Variants in VAV2 observed in about 807,000 individuals in gnomAD.
VAV2 encodes vav guanine nucleotide exchange factor 2, also known as guanine nucleotide exchange factor VAV2.
In VAV2, 67 loss-of-function variants were observed where a neutral mutation model predicts 132.5. The observed-to-expected ratio is 0.51, with a 90% CI of 0.42 to 0.62. The LOEUF (loss-of-function observed/expected upper bound fraction) is 0.62. VAV2 is among the 20% of genes least tolerant of loss of function. VAV2 has a pLI of 0.00. For missense variants in VAV2, 938 were observed against 1,153.6 expected, an observed-to-expected ratio of 0.81 and a Z score of 2.71; for synonymous variants, 492 against 443.5, an observed-to-expected ratio of 1.11 and a Z score of -1.37.
intron 1 of VAV2, among the ~76,000 whole-genome samples, chr9:133,946,457 T>C (rs1468009898): frequency 6.6e-6 from 1 of 152,250 alleles, no homozygotes; most frequent in Non-Finnish European, 1.5e-5. Flanking sequence ...TGGGTCTTTC[T>C]GAGCAAGCTG....
Position 133,919,689 on chromosome 9 carries a change from T to C in VAV2, c.321+19414A>G, listed in dbSNP as rs1840224069. Reference sequence around the variant, plus strand: ...TTCAGTCTCAGATCAGAGAGGAATGTAAGCCGGAAACAGCGCAGAGAGTGG... The same window carrying C: ...TTCAGTCTCAGATCAGAGAGGAATGCAAGCCGGAAACAGCGCAGAGAGTGG... On this transcript the variant is annotated intron_variant, in intron 2 of 29. Coordinates refer to ENST00000371850, the MANE Select transcript of VAV2 (RefSeq NM_001134398.2). This position sits in a 1 kb window ranked among gnomAD's most constrained non-coding sequence, Gnocchi z 5.8. Among the ~76,000 whole-genome samples, 1 of 152,176 alleles carries C rather than the reference T, an allele frequency of 6.6e-6. No individual in the cohort carries two copies. The highest frequency in any genetic ancestry group is 2.4e-5 in the African/African-American group (1 of 41,438).
At chr9:133,795,594 G>A in intron 12 of VAV2, 74 bp downstream of exon 12, 2 of 1,559,912 alleles carry the variant, frequency 1.3e-6, no homozygotes, top group South Asian at 2.2e-5. Flanking sequence ...GCTCGTTAAT[G>A]AGCCCAATTC....
rs371559778 is a variant in VAV2, at chr9:133,919,325, T to C, written c.321+19778A>G. Among the ~76,000 whole-genome samples the C allele has an allele frequency of 3.9e-5, 6 of 152,216 alleles. No homozygotes were observed. In the East Asian group the frequency reaches 9.7e-4, roughly 25 times the overall value. The stretch of plus-strand genomic sequence containing the variant: ...TGCTAAGCTGGCACTTGTGGGAAAA[T>C]AGAGGCTCAGAAAGGCTGGAGACTC... On this transcript the variant is annotated intron_variant, in intron 2 of 29. Transcript: ENST00000371850. The surrounding 1 kb of genome is among the most constrained non-coding windows in gnomAD (Gnocchi z 5.8).
In VAV2 at chr9:133,884,865, A is replaced by G. The variant is rs1043921423; in HGVS notation, c.322-23433T>C. On this transcript the variant is annotated intron_variant, in intron 2 of 29. Transcript: ENST00000371850. This position sits in a 1 kb window ranked among gnomAD's most constrained non-coding sequence, Gnocchi z 5.3. ...TCAGAGACCACAGGTGCACACAAGC[A>G]TCCCCTCCCACTCAGCCAGAGGGGC... Among the ~76,000 whole-genome samples the G allele has an allele frequency of 7.2e-5, 11 of 152,230 alleles. No individual in the cohort carries two copies. The South Asian group carries it at 1.5e-3, about 20-fold the overall frequency.
At position 133,919,807 on chromosome 9, in the gene VAV2, G is replaced by A. The variant is rs761363441; in HGVS notation, c.321+19296C>T. ...GAGACATGGAAGATGGAAGGTCCCC[G>A]CTGCCCCGACTGTCCCTGCCGCCCC... On this transcript the variant is annotated intron_variant, in intron 2 of 29. Transcript: ENST00000371850. This position sits in a 1 kb window ranked among gnomAD's most constrained non-coding sequence, Gnocchi z 5.8. Among the ~76,000 whole-genome samples the A allele has an allele frequency of 7.9e-5, 12 of 152,166 alleles. No individual in the cohort carries two copies. The highest frequency in any genetic ancestry group is 3.4e-3 in the Middle Eastern group (1 of 294).
chr9:133,774,387 T>C lies in VAV2; in HGVS notation c.2135+548A>G, dbSNP rs1325707024. ...GGGCAATGTCCCACCAGCTCAGTGC[T>C]TGGTGGGCTCCAGCCCATCAGGGTC... is the stretch of plus-strand genomic sequence containing the variant. On this transcript the variant is annotated intron_variant, in intron 25 of 29. Coordinates refer to ENST00000371850, the MANE Select transcript of VAV2 (RefSeq NM_001134398.2). 5.3e-5 allele frequency among the ~76,000 whole-genome samples: 8 copies of C among 152,228 alleles called. No homozygotes were observed. The East Asian group carries it at 1.5e-3, about 29-fold the overall frequency.
Position 133,822,033 on chromosome 9 carries a change from C to T in VAV2, c.450-9817G>A, listed in dbSNP as rs1835807669. On this transcript the variant is annotated intron_variant, in intron 4 of 29. Transcript: ENST00000371850. ...GAGCACGGCTGTAGCTCTCCAGGGACGGCAAAACCTGCCACCTTCACCTTC... is the reference window on the plus strand; with the variant it reads ...GAGCACGGCTGTAGCTCTCCAGGGATGGCAAAACCTGCCACCTTCACCTTC... Among the ~76,000 whole-genome samples the T allele has an allele frequency of 3.9e-5, 6 of 152,166 alleles. No homozygotes were observed. In the South Asian group the frequency reaches 8.3e-4, roughly 21 times the overall value.
At chr9:133,930,823 C>T (rs1660468143) in intron 2 of VAV2, among the ~76,000 whole-genome samples, 2 of 152,158 alleles carry the variant, frequency 1.3e-5, no homozygotes, top group Admixed American at 1.3e-4. Context: ...GTGCGTCCAG[C>T]GTCGCCAGCT....
intron 11 of VAV2, 64 bp downstream of exon 11, chr9:133,796,365 C>G (rs1834712824): frequency 1.4e-6 from 2 of 1,438,292 alleles, no homozygotes; most frequent in Non-Finnish European, 1.9e-6. Flanking sequence ...CCCCTGGAAG[C>G]TGCCAGCCCT....
intron 3 of VAV2, among the ~76,000 whole-genome samples, chr9:133,859,295 C>A (rs887059555): frequency 3.9e-5 from 6 of 152,234 alleles, no homozygotes; most frequent in African/African-American, 1.4e-4. Flanking sequence ...AGATGGGGCA[C>A]CTCAGCCTCA....
At chr9:133,849,034 C>G (rs534428284) in intron 3 of VAV2, among the ~76,000 whole-genome samples, 1 of 152,210 alleles carries the variant, frequency 6.6e-6, no homozygotes, top group Non-Finnish European at 1.5e-5. Flanking sequence ...ATAATGTTAC[C>G]CAGCTGCGCA....
intron 2 of VAV2, among the ~76,000 whole-genome samples, chr9:133,873,392 G>A (rs552088953): frequency 1.8e-4 from 27 of 152,280 alleles, no homozygotes; most frequent in African/African-American, 6.5e-4. Context: ...AGGGCGTCCT[G>A]CCACACTCCC....
chr9:133,884,235 T>C lies in VAV2; in HGVS notation c.322-22803A>G, dbSNP rs1330906218. On this transcript the variant is annotated intron_variant, in intron 2 of 29. Coordinates refer to ENST00000371850, the MANE Select transcript of VAV2 (RefSeq NM_001134398.2). This position sits in a 1 kb window ranked among gnomAD's most constrained non-coding sequence, Gnocchi z 5.3. Reference sequence around the variant, plus strand: ...GGTAACCAACCCCCACGTGCACACGTGCAATGAAGCCACCTAGATGAGCAG... The same window carrying C: ...GGTAACCAACCCCCACGTGCACACGCGCAATGAAGCCACCTAGATGAGCAG... Among the ~76,000 whole-genome samples, 2 of 151,916 alleles carry C rather than the reference T, an allele frequency of 1.3e-5. No homozygotes were observed. Among genetic ancestry groups the C allele is most frequent in the Non-Finnish European group, 2.9e-5 (2 of 67,988 alleles).
chr9:133,767,766 T>TGTGCAGC (rs1190925321), intron 29 of VAV2, among the ~76,000 whole-genome samples: 1 of 152,262 alleles, frequency 6.6e-6, no homozygotes, highest in Non-Finnish European at 1.5e-5. Context: ...CCACCTGCCC[T>TGTGCAGC]GTGCAGCTTG....
chr9:133,781,601 C>T (rs972815275), intron 19 of VAV2, among the ~76,000 whole-genome samples: 1 of 152,180 alleles, frequency 6.6e-6, no homozygotes. Flanking sequence ...CCATGGGCAG[C>T]AAACAGCTAA....
At chr9:133,904,785 C>T (rs1487748973) in intron 2 of VAV2, among the ~76,000 whole-genome samples, 1 of 152,252 alleles carries the variant, frequency 6.6e-6, no homozygotes, top group African/African-American at 2.4e-5. Flanking sequence ...AGCTCACCTC[C>T]CCAAGAAGGC....
chr9:133,876,017 C>T (rs1041684922), intron 2 of VAV2, among the ~76,000 whole-genome samples: 1 of 152,234 alleles, frequency 6.6e-6, no homozygotes, highest in Non-Finnish European at 1.5e-5. Context: ...CCTCGGACAT[C>T]GACGCTCGTC....
At chr9:133,924,963 GC>G (rs1840422427) in intron 2 of VAV2, among the ~76,000 whole-genome samples, 1 of 152,212 alleles carries the variant, frequency 6.6e-6, no homozygotes, top group Admixed American at 6.5e-5. Flanking sequence ...AGAAGCCGAC[GC>G]TAAAGGCCAC....
chr9:133,967,146 G>A (rs2132243365), intron 1 of VAV2, among the ~76,000 whole-genome samples: 1 of 151,964 alleles, frequency 6.6e-6, no homozygotes, highest in Non-Finnish European at 1.5e-5. Context: ...ATGGCCAACG[G>A]GCATGTGAAA....
Sources: gnomAD v4.1 joint callset for allele counts (sites outside exome capture counted in the v4.1 genomes callset) on GRCh38, gnomAD v4.1.1 for gene constraint, Gnocchi (gnomAD v3.1) non-coding constraint, MANE v1.5 for transcripts, NCBI Gene and HGNC (gene_info 2026-07-23, HGNC 2026-07-21) for gene names.